Variants in UNC13B observed in about 807,000 individuals in gnomAD.
UNC13B encodes the protein unc-13 homolog B.
UNC13B carries 144 observed loss-of-function variants against 211.0 expected under a neutral mutation model. The ratio of observed to expected loss-of-function variants is 0.68; its 90% CI spans 0.60 to 0.78. UNC13B has a LOEUF of 0.78. UNC13B is among the 30% of genes least tolerant of loss of function. UNC13B has a pLI of 0.00. For synonymous variants in UNC13B, 709 were observed against 725.8 expected, an observed-to-expected ratio of 0.98 and a Z score of 0.37; for missense variants, 1,777 against 2,002.0, an observed-to-expected ratio of 0.89 and a Z score of 2.14.
chr9:35,400,444 G>T lies in UNC13B; in HGVS notation c.12484+1G>T. ...TTTGTGCGCTCGCAGACCACCCAAGGTAAGGCCCTGAGGGCTTTGGGTATC... is the reference window on the plus strand; with the variant it reads ...TTTGTGCGCTCGCAGACCACCCAAGTTAAGGCCCTGAGGGCTTTGGGTATC... On this transcript the variant is annotated splice_donor_variant, in intron 37 of 39. Transcript: ENST00000635942. LOFTEE classifies it high-confidence loss of function. 6.2e-7 allele frequency: 1 copy of T among 1,612,548 alleles called. No homozygotes were observed. The highest frequency in any genetic ancestry group is 1.1e-5 in the South Asian group (1 of 90,586).
At chr9:35,296,439 G>A (rs1449409400) in intron 8 of UNC13B, among the ~76,000 whole-genome samples, 1 of 152,084 alleles carries the variant, frequency 6.6e-6, no homozygotes, top group African/African-American at 2.4e-5. Flanking sequence ...TGTCAATACA[G>A]CATAAAGAGT....
chr9:35,266,235 G>C (rs1196557430), intron 7 of UNC13B, among the ~76,000 whole-genome samples: 1 of 152,324 alleles, frequency 6.6e-6, no homozygotes, highest in Admixed American at 6.5e-5. Flanking sequence ...TTTTCCAGCT[G>C]TAGCACATCA....
chr9:35,337,169 C>T (rs540468067), intron 11 of UNC13B, among the ~76,000 whole-genome samples: 6 of 152,066 alleles, frequency 3.9e-5, no homozygotes, highest in South Asian at 4.2e-4. Context: ...AGAAATATCC[C>T]CCTAGCAAAT....
At chr9:35,166,443 T>C (rs1445321088) in intron 1 of UNC13B, among the ~76,000 whole-genome samples, 1 of 151,944 alleles carries the variant, frequency 6.6e-6, no homozygotes, top group Non-Finnish European at 1.5e-5. Flanking sequence ...TGCAGAAAAG[T>C]ACAAAAAAAG....
rs140863355 is a variant in UNC13B at position 35,401,401 on chromosome 9, A to G, written c.12484+958A>G. Among the ~76,000 whole-genome samples the G allele has an allele frequency of 3.3e-5, 5 of 152,294 alleles. No individual in the cohort carries two copies. The East Asian group carries it at 9.6e-4, about 29-fold the overall frequency. On this transcript the variant is annotated intron_variant, in intron 37 of 39. Transcript: ENST00000635942. ...AGGGAAGAATAGAGAGCAAAAGAAGAGCTGTGAGTCTCACTTAAGTGGACA... is the reference window on the plus strand; with the variant it reads ...AGGGAAGAATAGAGAGCAAAAGAAGGGCTGTGAGTCTCACTTAAGTGGACA...
intron 1 of UNC13B, among the ~76,000 whole-genome samples, chr9:35,206,407 A>G (rs1306784541): frequency 9.2e-5 from 14 of 152,000 alleles, no homozygotes; most frequent in Admixed American, 6.5e-4. Flanking sequence ...CCTGGTAACC[A>G]CTAATCTGTC....
chr9:35,206,796 C>A (rs1003785833), intron 1 of UNC13B, among the ~76,000 whole-genome samples: 1 of 149,912 alleles, frequency 6.7e-6, no homozygotes, highest in Non-Finnish European at 1.5e-5. Flanking sequence ...ATCACTTGAA[C>A]TGAGGAGGCG....
intron 7 of UNC13B, among the ~76,000 whole-genome samples, chr9:35,279,054 A>G (rs1223463806): frequency 6.6e-6 from 1 of 152,242 alleles, no homozygotes; most frequent in Non-Finnish European, 1.5e-5. Flanking sequence ...GGTGAAACTC[A>G]TGTAGCATAA....
At chr9:35,394,171 T>A (rs1287518607) in intron 26 of UNC13B, among the ~76,000 whole-genome samples, 1 of 152,062 alleles carries the variant, frequency 6.6e-6, no homozygotes, top group Non-Finnish European at 1.5e-5. Context: ...GAAAGAAGAT[T>A]TGAGGATGAT....
intron 7 of UNC13B, among the ~76,000 whole-genome samples, chr9:35,259,765 A>ATGTGTG (rs59824348): frequency 1.7e-4 from 16 of 92,384 alleles, no homozygotes; most frequent in African/African-American, 4.8e-4. Context: ...AACCTGTGAT[A>ATGTGTG]TGTGTGTGTG....
At chr9:35,351,295 T>C in intron 11 of UNC13B, 1 of 1,201,422 alleles carries the variant, frequency 8.3e-7, no homozygotes. Context: ...TTTCACTAGC[T>C]ACAGGATAAA....
At chr9:35,192,366 A>C (rs1425603411) in intron 1 of UNC13B, among the ~76,000 whole-genome samples, 1 of 152,170 alleles carries the variant, frequency 6.6e-6, no homozygotes, top group Admixed American at 6.5e-5. Flanking sequence ...TATAGGAGAC[A>C]TATTGTACAT....
At chr9:35,232,024 T>C (rs1825229040) in intron 3 of UNC13B, among the ~76,000 whole-genome samples, 2 of 151,778 alleles carry the variant, frequency 1.3e-5, no homozygotes, top group African/African-American at 4.8e-5. Context: ...ATGAAGGGGC[T>C]GAATGAGAAA....
rs181166188 is a variant in UNC13B, at chr9:35,304,421, G to A, written c.5017G>A (p.Ala1673Thr). 1.7e-4 allele frequency: 67 copies of A among 398,594 alleles called. No individual in the cohort carries two copies. The Admixed American group carries it at 2.5e-3, about 15-fold the overall frequency. 24.7% of individuals were successfully genotyped at this position (398,594 alleles called of 1,614,324 possible). ...FKERPCGSED[A>T]ECTLDLRNQP... ...AGAAAGGCCGTGTGGTTCTGAAGACGCTGAATGTACATTAGATCTCAGAAA... is the reference window on the plus strand; with the variant it reads ...AGAAAGGCCGTGTGGTTCTGAAGACACTGAATGTACATTAGATCTCAGAAA... The change falls in exon 9 of 40, where the codon GCT becomes ACT. Residue 1673 changes from alanine (A) to threonine (T), a missense_variant. Physicochemically the swap from Ala to Thr is moderately conservative, Grantham distance 58. Coordinates refer to ENST00000635942, the MANE Select transcript of UNC13B (RefSeq NM_001371189.2).
chr9:35,336,621 C>T (rs907700810), intron 11 of UNC13B, among the ~76,000 whole-genome samples: 1 of 152,080 alleles, frequency 6.6e-6, no homozygotes, highest in African/African-American at 2.4e-5. Context: ...ATCTTCCCAC[C>T]TCAGCTTCCC....
intron 1 of UNC13B, among the ~76,000 whole-genome samples, chr9:35,183,050 G>C (rs570579665): frequency 2.2e-3 from 232 of 107,700 alleles, no homozygotes; most frequent in African/African-American, 6.4e-3. Flanking sequence ...TCACTTCCCA[G>C]ATGGGGCGGC....
chr9:35,277,823 C>T (rs889640791), intron 7 of UNC13B, among the ~76,000 whole-genome samples: 7 of 150,982 alleles, frequency 4.6e-5, no homozygotes, highest in Non-Finnish European at 1.0e-4. Context: ...ACAGTAATAC[C>T]ATGGAAAGTA....
Position 35,202,911 on chromosome 9 carries a change from G to T in UNC13B, c.23-25104G>T, listed in dbSNP as rs4490933. On this transcript the variant is annotated intron_variant, in intron 1 of 39. Transcript: ENST00000635942. ...AGGTTCACGCCATTCTCCTGCCTCA[G>T]CCTCCTGAGTAGCTGGGACAACAGG... 9.7e-4 allele frequency among the ~76,000 whole-genome samples: 147 copies of T among 151,710 alleles called. 2 individuals are homozygous for T. The highest frequency in any genetic ancestry group is 7.2e-3 in the Admixed American group (110 of 15,198).
chr9:35,389,705 GA>G, intron 24 of UNC13B, 140 bp from the exon 25 acceptor site: 1 of 821,186 alleles, frequency 1.2e-6, no homozygotes, highest in Non-Finnish European at 1.9e-6. Flanking sequence ...TCTTGTGGAA[GA>G]CAGGCTCTAG....
Sources: allele counts gnomAD v4.1 joint callset (sites outside exome capture counted in the v4.1 genomes callset), GRCh38; gene constraint gnomAD v4.1.1; transcripts MANE v1.5; gene names NCBI Gene and HGNC (gene_info 2026-07-23, HGNC 2026-07-21).